Variants in ADAMTSL1 observed in about 807,000 individuals in gnomAD.
The protein encoded by ADAMTSL1 is ADAMTS like 1.
ADAMTSL1 carries 126 observed loss-of-function variants against 201.8 expected under a neutral mutation model. The ratio of observed to expected loss-of-function variants is 0.62; its 90% confidence interval spans 0.54 to 0.72. The LOEUF is 0.72. Ranked by LOEUF, ADAMTSL1 falls within the 30% of genes least tolerant of loss-of-function variation. The probability of loss-of-function intolerance (pLI) is 0.00; values close to 1 mark genes in which losing one functional copy is unlikely to be tolerated. For synonymous variants in ADAMTSL1, 1,121 were observed against 903.4 expected, an observed-to-expected ratio of 1.24 and a Z score of -4.32; for missense variants, 2,679 against 2,277.8, an observed-to-expected ratio of 1.18 and a Z score of -3.59.
chr9:18,246,192 GC>G (rs949998626), intron 2 of ADAMTSL1, among the ~76,000 whole-genome samples: 4 of 152,032 alleles, frequency 2.6e-5, no homozygotes, highest in African/African-American at 9.7e-5. Flanking sequence ...TTCTTCTCTT[GC>G]TTGGTGATAC....
intron 1 of ADAMTSL1, among the ~76,000 whole-genome samples, chr9:17,956,246 CAG>C (rs1415923643): frequency 2.6e-5 from 4 of 152,090 alleles, no homozygotes; most frequent in African/African-American, 9.7e-5. Context: ...CAGTGTTTTG[CAG>C]AGAGATGATC....
intron 1 of ADAMTSL1, among the ~76,000 whole-genome samples, chr9:17,965,558 G>C (rs1173433752): frequency 6.6e-6 from 1 of 152,108 alleles, no homozygotes; most frequent in Non-Finnish European, 1.5e-5. Context: ...TTATTCATTA[G>C]AGACAAACCA....
intron 25 of ADAMTSL1, chr9:18,890,487 T>C (rs1829178226): frequency 6.6e-6 from 3 of 455,872 alleles, no homozygotes; most frequent in Non-Finnish European, 1.3e-5. Context: ...AGCTCTCAAA[T>C]GCCCCTTTAC....
intron 1 of ADAMTSL1, among the ~76,000 whole-genome samples, chr9:18,010,437 A>G (rs1820005361): frequency 6.6e-6 from 1 of 152,048 alleles, no homozygotes; most frequent in African/African-American, 2.4e-5. Flanking sequence ...GAAATAAAGG[A>G]TTGAAGAACA....
Position 18,683,104 on chromosome 9 carries a change from A to G in ADAMTSL1, c.1489+1145A>G, listed in dbSNP as rs117506756. Among the ~76,000 whole-genome samples the G allele has an allele frequency of 4.7e-3, 711 of 152,288 alleles. 4 individuals are homozygous for G. The highest frequency in any genetic ancestry group is 6.7e-3 in the Non-Finnish European group (458 of 68,018). On this transcript the variant is annotated intron_variant, in intron 12 of 28. Transcript: ENST00000380548. The stretch of plus-strand genomic sequence containing the variant: ...GGTTGCCACAGGTGCGTCTGACAGG[A>G]TTTAGTTCAAAACAGCAATAAAGTA...
intron 14 of ADAMTSL1, among the ~76,000 whole-genome samples, chr9:18,709,283 G>T (rs143308386): frequency 6.6e-6 from 1 of 152,038 alleles, no homozygotes; most frequent in South Asian, 2.1e-4. Flanking sequence ...GTCTTTGTTC[G>T]ACAGTAACAT....
chr9:18,291,528 G>C (rs941093922), intron 2 of ADAMTSL1, among the ~76,000 whole-genome samples: 8 of 152,168 alleles, frequency 5.3e-5, no homozygotes, highest in African/African-American at 1.9e-4. Flanking sequence ...TTAGCCCCAA[G>C]GTGATTGAAC....
intron 16 of ADAMTSL1, among the ~76,000 whole-genome samples, chr9:18,761,415 G>T (rs747160669): frequency 6.6e-6 from 1 of 151,978 alleles, no homozygotes; most frequent in African/African-American, 2.4e-5. Flanking sequence ...CTTATAAAAC[G>T]AACCCATGAC....
chr9:18,765,595 A>G (rs896493620), intron 16 of ADAMTSL1, among the ~76,000 whole-genome samples: 1 of 152,216 alleles, frequency 6.6e-6, no homozygotes, highest in African/African-American at 2.4e-5. Context: ...ACTGGGAAAC[A>G]AACAAATAAT....
chr9:18,048,909 G>A (rs1821793605), intron 1 of ADAMTSL1, among the ~76,000 whole-genome samples: 1 of 152,106 alleles, frequency 6.6e-6, no homozygotes, highest in Non-Finnish European at 1.5e-5. Flanking sequence ...ACAGTTCAGG[G>A]GGCCAGAAAT....
intron 1 of ADAMTSL1, among the ~76,000 whole-genome samples, chr9:17,942,714 G>C (rs757510054): frequency 8.5e-5 from 13 of 152,090 alleles, no homozygotes; most frequent in Non-Finnish European, 1.9e-4. Flanking sequence ...AGCAGCCACT[G>C]GAAGCCACTC....
intron 2 of ADAMTSL1, among the ~76,000 whole-genome samples, chr9:18,186,485 C>A (rs1252514010): frequency 6.6e-6 from 1 of 152,104 alleles, no homozygotes; most frequent in Non-Finnish European, 1.5e-5. Flanking sequence ...ACATCCTAGT[C>A]ATGTCACCTG....
intron 1 of ADAMTSL1, among the ~76,000 whole-genome samples, chr9:18,155,864 G>A (rs2132062261): frequency 6.6e-6 from 1 of 152,152 alleles, no homozygotes; most frequent in East Asian, 1.9e-4. Context: ...GGTCCTCCTA[G>A]AATTTTGTCC....
chr9:17,928,657 C>G (rs148707114), intron 1 of ADAMTSL1, among the ~76,000 whole-genome samples: 2 of 152,116 alleles, frequency 1.3e-5, no homozygotes, highest in Non-Finnish European at 2.9e-5. Context: ...CACCTGTAAT[C>G]CCAGTACTTT....
intron 2 of ADAMTSL1, among the ~76,000 whole-genome samples, chr9:18,291,923 TG>T (rs934533524): frequency 6.6e-6 from 1 of 152,134 alleles, no homozygotes; most frequent in African/African-American, 2.4e-5. Context: ...CAGCCAATGT[TG>T]TTCATGCAAC....
intron 13 of ADAMTSL1, among the ~76,000 whole-genome samples, chr9:18,700,239 T>C (rs111267122): frequency 6.6e-6 from 1 of 152,216 alleles, no homozygotes; most frequent in Admixed American, 6.5e-5. Context: ...AGTGATTCAA[T>C]TGAAGAGTTT....
At chr9:18,785,319 A>G (rs1260893361) in intron 19 of ADAMTSL1, among the ~76,000 whole-genome samples, 3 of 152,218 alleles carry the variant, frequency 2.0e-5, no homozygotes, top group Non-Finnish European at 2.9e-5. Context: ...GCATAAATTA[A>G]CATTCAATAT....
intron 1 of ADAMTSL1, among the ~76,000 whole-genome samples, chr9:18,029,781 A>G (rs1015568959): frequency 2.0e-5 from 3 of 152,258 alleles, no homozygotes; most frequent in African/African-American, 7.2e-5. Context: ...TATGTAGCCA[A>G]AAACACATGA....
At chr9:18,852,944 C>A (rs1826591530) in intron 23 of ADAMTSL1, among the ~76,000 whole-genome samples, 1 of 152,128 alleles carries the variant, frequency 6.6e-6, no homozygotes. Flanking sequence ...GGCAGATATT[C>A]AGGGAAGATT....
Sources: allele counts gnomAD v4.1 joint callset (sites outside exome capture counted in the v4.1 genomes callset), GRCh38; gene constraint gnomAD v4.1.1; transcripts MANE v1.5; gene names NCBI Gene and HGNC (gene_info 2026-07-23, HGNC 2026-07-21).